INTS4: variants seen among roughly 807,000 people sequenced by gnomAD.
INTS4 encodes the protein MSTP093.
In INTS4, 70 loss-of-function variants were observed where a neutral mutation model predicts 119.5. That is an observed-to-expected ratio of 0.59 (90% CI 0.48 to 0.71). INTS4 has a LOEUF of 0.71. Among genes scored for constraint, INTS4 ranks in the 30% least tolerant of loss-of-function variants. The pLI, the probability that INTS4 is intolerant of heterozygous loss-of-function variation, is 0.00. For missense variants in INTS4, 867 were observed against 1,173.2 expected (o/e 0.74, Z 3.81); for synonymous variants, 316 against 419.6 (o/e 0.75, Z 3.02).
chr11:77,915,848 A>G (rs1953193606), intron 15 of INTS4, among the ~76,000 whole-genome samples: 1 of 152,254 alleles, frequency 6.6e-6, no homozygotes, highest in African/African-American at 2.4e-5. Flanking sequence ...TTATCAGTCA[A>G]TCAAACACAT....
At chr11:77,894,722 C>T (rs1019511687) in intron 18 of INTS4, among the ~76,000 whole-genome samples, 13 of 152,274 alleles carry the variant, frequency 8.5e-5, no homozygotes, top group Admixed American at 8.5e-4. Flanking sequence ...GGTCTCTATA[C>T]CTACCTGATT....
At chr11:77,985,844 C>CAT (rs1386647670) in intron 2 of INTS4, among the ~76,000 whole-genome samples, 1 of 152,192 alleles carries the variant, frequency 6.6e-6, no homozygotes, top group Non-Finnish European at 1.5e-5. Flanking sequence ...CTGCATCCTC[C>CAT]ATAGCTACTA....
At chr11:77,908,306 G>A (rs867171353) in intron 15 of INTS4, among the ~76,000 whole-genome samples, 2 of 150,794 alleles carry the variant, frequency 1.3e-5, no homozygotes, top group African/African-American at 2.4e-5. Flanking sequence ...GTATACACGC[G>A]TCATGATGGT....
downstream of INTS4, among the ~76,000 whole-genome samples, chr11:77,876,530 G>A (rs983273216): frequency 6.6e-6 from 1 of 151,844 alleles, no homozygotes; most frequent in Non-Finnish European, 1.5e-5. Context: ...ACCCCGATAC[G>A]ATACTTGAAT....
intron 4 of INTS4, among the ~76,000 whole-genome samples, chr11:77,961,419 G>T (rs1359162588): frequency 2.6e-5 from 4 of 152,004 alleles, no homozygotes; most frequent in Non-Finnish European, 5.9e-5. Context: ...TACAGAGTAG[G>T]TACTTTAAAA....
intron 2 of INTS4, among the ~76,000 whole-genome samples, chr11:77,989,761 A>G (rs1229028644): frequency 6.6e-6 from 1 of 151,350 alleles, no homozygotes; most frequent in Non-Finnish European, 1.5e-5. Flanking sequence ...TTAGCCAGGC[A>G]TGCTGCACAT....
chr11:77,927,872 T>C (rs1953547646), intron 11 of INTS4, among the ~76,000 whole-genome samples: 1 of 152,182 alleles, frequency 6.6e-6, no homozygotes, highest in African/African-American at 2.4e-5. Flanking sequence ...CTTGAATATA[T>C]CATATTCTGT....
At chr11:77,982,098 CACT>C (rs1175312566) in intron 2 of INTS4, among the ~76,000 whole-genome samples, 2 of 151,684 alleles carry the variant, frequency 1.3e-5, no homozygotes, top group Non-Finnish European at 2.9e-5. Context: ...TTGCAGCTAC[CACT>C]GCTATCACCA....
chr11:77,949,481 CTAA>C (rs1481377503), intron 8 of INTS4, among the ~76,000 whole-genome samples: 2 of 138,728 alleles, frequency 1.4e-5, no homozygotes, highest in African/African-American at 5.5e-5. Context: ...TGCCAAAGAG[CTAA>C]TATCCAGAAT....
In INTS4 at chr11:77,960,390, A is replaced by G. The variant is rs1351830609; in HGVS notation, c.659T>C (p.Leu220Ser). The change falls in exon 6 of 23, where the codon TTG becomes TCG. Residue 220 changes from leucine to serine, a missense_variant and splice_region_variant. Leu to Ser is a moderately radical substitution (Grantham distance 145). This residue lies in a region of INTS4 where 208 missense variants were observed against 306.6 expected (regional missense o/e 0.68). Transcript: ENST00000534064. ...TTTCAGTCCTCTTTCATGGAGCTGC[A>G]ACTAGATAATAAATATATAGTTTAA... The part of the protein sequence containing the change: ...RVRTAAIKAM[L>S]QLHERGLKLH... The G allele has an allele frequency of 6.3e-7, 1 of 1,588,152 alleles. No individual in the cohort carries two copies. Among genetic ancestry groups the G allele is most frequent in the Admixed American group, 1.7e-5 (1 of 59,628 alleles).
chr11:77,983,964 A>C lies in INTS4; in HGVS notation c.247-2388T>G, dbSNP rs117490855. Among the ~76,000 whole-genome samples, 1,241 of 152,346 alleles carry C rather than the reference A, an allele frequency of 8.1e-3. 13 individuals are homozygous for C. The highest frequency in any genetic ancestry group is 0.037 in the Middle Eastern group (11 of 294). On this transcript the variant is annotated intron_variant, in intron 2 of 22. Coordinates refer to ENST00000534064, the MANE Select transcript of INTS4 (RefSeq NM_033547.4). ...ATAGCAGCATTATTCACAACAGCTA[A>C]AATGTGGAAGCAATGCAAGTATCCA...
chr11:77,883,029 T>C (rs150256315), intron 22 of INTS4, among the ~76,000 whole-genome samples: 37 of 152,082 alleles, frequency 2.4e-4, no homozygotes, highest in African/African-American at 7.7e-4. Flanking sequence ...TGAGCCGAGA[T>C]TGCACCACTG....
At chr11:77,947,233 C>T (rs1954071062) in intron 8 of INTS4, among the ~76,000 whole-genome samples, 6 of 152,032 alleles carry the variant, frequency 3.9e-5, no homozygotes, top group Admixed American at 3.9e-4. Context: ...GCACAGAAAA[C>T]CCATTTGATG....
intron 4 of INTS4, among the ~76,000 whole-genome samples, chr11:77,969,452 C>T (rs1855627520): frequency 6.6e-6 from 1 of 152,138 alleles, no homozygotes; most frequent in Admixed American, 6.5e-5. Context: ...GTCATCATAG[C>T]TCATTGCAGC....
chr11:77,933,832 G>T (rs1314219967), intron 10 of INTS4, among the ~76,000 whole-genome samples: 1 of 151,156 alleles, frequency 6.6e-6, no homozygotes, highest in African/African-American at 2.4e-5. Flanking sequence ...GCCTCTGCCC[G>T]GCCGCCCTGT....
chr11:77,895,199 A>G (rs1341738598), intron 18 of INTS4, among the ~76,000 whole-genome samples: 70 of 152,148 alleles, frequency 4.6e-4, no homozygotes, highest in Admixed American at 4.6e-3. Flanking sequence ...TGACCTTTGC[A>G]TATTTTCTTC....
chr11:77,905,080 T>C (rs1418868803), intron 16 of INTS4, among the ~76,000 whole-genome samples: 3 of 152,176 alleles, frequency 2.0e-5, no homozygotes, highest in Admixed American at 6.5e-5. Context: ...TGTATAAATC[T>C]GAGTGTACTA....
intron 11 of INTS4, among the ~76,000 whole-genome samples, chr11:77,926,381 T>C (rs142394025): frequency 0.022 from 3,339 of 152,274 alleles, 59 homozygotes; most frequent in Middle Eastern, 0.075. Context: ...TATACATAAG[T>C]ACTCACAAAT....
At chr11:77,908,228 G>A (rs975566878) in intron 15 of INTS4, among the ~76,000 whole-genome samples, 1 of 151,864 alleles carries the variant, frequency 6.6e-6, no homozygotes, top group Admixed American at 6.6e-5. Context: ...ATCCAATCAA[G>A]TAAATTTTTT....
Sources: gnomAD v4.1 joint callset for allele counts (sites outside exome capture counted in the v4.1 genomes callset) on GRCh38, gnomAD v4.1.1 for gene constraint, gnomAD v4.1.1 regional missense constraint, MANE v1.5 for transcripts, NCBI Gene and HGNC (gene_info 2026-07-23, HGNC 2026-07-21) for gene names.